The following ZNF519 variants were observed in gnomAD, a reference collection of about 807,000 sequenced individuals.
The protein encoded by ZNF519 is zinc finger protein 519, also known as similar to Zinc finger protein 85 (Zinc finger protein HPF4) (HTF1).
Under a neutral mutation model 7.4 loss-of-function variants are expected in ZNF519, and 7 were observed. The ratio of observed to expected loss-of-function variants is 0.94; its 90% CI spans 0.54 to 1.77. The LOEUF is 1.77. ZNF519 is among the 40% of genes most tolerant of loss of function. ZNF519 has a pLI of 0.00. For missense variants in ZNF519, 586 were observed against 623.1 expected (o/e 0.94, Z 0.63); for synonymous variants, 179 against 203.3 (o/e 0.88, Z 1.02).
At chr18:14,111,989 G>A (rs1275040420) in intron 2 of ZNF519, among the ~76,000 whole-genome samples, 2 of 151,946 alleles carry the variant, frequency 1.3e-5, no homozygotes, top group Non-Finnish European at 2.9e-5. Flanking sequence ...GCCAATATCA[G>A]CAATAGATGC....
chr18:14,121,575 A>C (rs1245729169), intron 2 of ZNF519, among the ~76,000 whole-genome samples: 2 of 152,148 alleles, frequency 1.3e-5, no homozygotes, highest in Non-Finnish European at 2.9e-5. Flanking sequence ...GCTTTTTTTT[A>C]AATGAAACAA....
chr18:14,109,094 C>T (rs28817633), intron 2 of ZNF519, among the ~76,000 whole-genome samples: 41,582 of 149,022 alleles, frequency 0.28, 6,527 homozygotes, highest in East Asian at 0.74. Context: ...GCAACAAGAG[C>T]GAAACTCAGA....
chr18:14,094,821 C>CTGT (rs780524328), intron 2 of ZNF519, among the ~76,000 whole-genome samples: 19 of 151,650 alleles, frequency 1.3e-4, no homozygotes, highest in Non-Finnish European at 1.3e-4. Flanking sequence ...TTGATTGATT[C>CTGT]TGTTGTTGAT....
At position 14,104,775 on chromosome 18, in the gene ZNF519, C is replaced by T; in HGVS notation, c.*142G>A. On this transcript the variant is annotated 3_prime_UTR_variant, in exon 3 of 3. Coordinates refer to ENST00000590202, the MANE Select transcript of ZNF519 (RefSeq NM_145287.4). ...CTTAGTTCTTTCTAAAGTGACACTT[C>T]TAATTTTTATTTAATCTTCATTTTG... 4 of 963,548 alleles carry T rather than the reference C, an allele frequency of 4.2e-6. No homozygotes were observed. Among genetic ancestry groups the T allele is most frequent in the African/African-American group, 1.6e-5 (1 of 60,828 alleles). 59.7% of individuals were successfully genotyped at this position (963,548 alleles called of 1,614,324 possible). A position where few individuals can be genotyped will look rare whatever the true frequency, so the allele number is the denominator to read the frequency against.
chr18:14,082,678 C>T (rs532014843), intron 3 of ZNF519: 1 of 150,444 alleles, frequency 6.6e-6, no homozygotes, highest in African/African-American at 2.5e-5. Flanking sequence ...TGGCTTTGAC[C>T]TCTTTTTTTT....
downstream of ZNF519, among the ~76,000 whole-genome samples, chr18:14,099,152 C>A (rs1202567133): frequency 6.6e-6 from 1 of 151,880 alleles, no homozygotes; most frequent in Non-Finnish European, 1.5e-5. Flanking sequence ...CTCTACTTCC[C>A]ACCAACCTAG....
chr18:14,118,045 C>T (rs536272555), intron 2 of ZNF519, among the ~76,000 whole-genome samples: 2 of 152,162 alleles, frequency 1.3e-5, no homozygotes, highest in East Asian at 3.9e-4. Context: ...TAAAGATGTG[C>T]CTTATATATA....
rs2046168541 is a variant in ZNF519 at position 14,102,820 on chromosome 18, G to A, written c.*2097C>T. The A allele has an allele frequency of 6.6e-6, 1 of 151,788 alleles. No homozygotes were observed. The highest frequency in any genetic ancestry group is 1.5e-5 in the Non-Finnish European group (1 of 67,950). 9.4% of individuals were successfully genotyped at this position (151,788 alleles called of 1,614,324 possible). A position where few individuals can be genotyped will look rare whatever the true frequency, so the allele number is the denominator to read the frequency against. On this transcript the variant is annotated 3_prime_UTR_variant, in exon 3 of 3. Coordinates refer to ENST00000590202, the MANE Select transcript of ZNF519 (RefSeq NM_145287.4). The stretch of plus-strand genomic sequence containing the variant: ...ATTCAATCCAAATTGGGGGAAAAAA[G>A]CTATATAGTGGTAATATTTTATATC...
chr18:14,109,003 A>G (rs1295205261), intron 2 of ZNF519, among the ~76,000 whole-genome samples: 1 of 152,114 alleles, frequency 6.6e-6, no homozygotes, highest in African/African-American at 2.4e-5. Flanking sequence ...GCTACTCAGG[A>G]GGCTGAGACA....
chr18:14,120,134 T>A (rs1194216816), intron 2 of ZNF519, among the ~76,000 whole-genome samples: 1 of 152,168 alleles, frequency 6.6e-6, no homozygotes, highest in Non-Finnish European at 1.5e-5. Flanking sequence ...CATCATACTT[T>A]CTAATTTCAA....
rs780493526 is a variant in ZNF519, at chr18:14,106,057, A to G, written c.483T>C (p.Asn161=). The change falls in exon 3 of 3, where the codon AAT becomes AAC. Residue 161 remains asparagine, a synonymous_variant. Transcript: ENST00000590202. ...TACTAATATTTGAGTCATGGTTAAA[A>G]TTTATCTGATTTTTATTACAAAAGA... ...KSVFCNKNQI[N]FNHDSNISKH... The G allele has an allele frequency of 1.4e-5, 22 of 1,593,708 alleles. No individual in the cohort carries two copies. The highest frequency in any genetic ancestry group is 2.7e-5 in the African/African-American group (2 of 73,652).
At chr18:14,095,391 C>T (rs180758783), downstream of ZNF519, among the ~76,000 whole-genome samples, 38 of 152,306 alleles carry the variant, frequency 2.5e-4, no homozygotes, top group Admixed American at 1.4e-3. Flanking sequence ...ACCTCTTTAT[C>T]CACTCAGTGC....
intron 1 of ZNF519, among the ~76,000 whole-genome samples, chr18:14,128,708 C>CACAT (rs1567956926): frequency 6.7e-6 from 1 of 149,846 alleles, no homozygotes; most frequent in South Asian, 2.1e-4. Context: ...CACACACACA[C>CACAT]ACACACACAC....
Position 14,132,412 on chromosome 18 carries a change from C to T in ZNF519, c.-135G>A. On this transcript the variant is annotated 5_prime_UTR_variant, in exon 1 of 3. Coordinates refer to ENST00000590202, the MANE Select transcript of ZNF519 (RefSeq NM_145287.4). ...GACACAAGGCAATGAAGCCCTAACCCCGCGCTCTGGCTGAAGTGAGACAAA... is the reference window on the plus strand; with the variant it reads ...GACACAAGGCAATGAAGCCCTAACCTCGCGCTCTGGCTGAAGTGAGACAAA... 3 of 1,112,482 alleles carry T rather than the reference C, an allele frequency of 2.7e-6. No homozygotes were observed. Among genetic ancestry groups the T allele is most frequent in the Non-Finnish European group, 4.0e-6 (3 of 754,536 alleles). The allele number at this position is 1,112,482 out of a possible 1,614,324, so 68.9% of individuals were successfully genotyped here.
intron 2 of ZNF519, among the ~76,000 whole-genome samples, chr18:14,086,508 A>T (rs561821972): frequency 1.3e-3 from 195 of 152,320 alleles, no homozygotes; most frequent in African/African-American, 4.3e-3. Context: ...CACAGCATGG[A>T]GACTGCTTCA....
rs1201995113 is a variant in ZNF519, at chr18:14,103,874, A to T, written c.*1043T>A. 6.6e-6 allele frequency: 1 copy of T among 152,052 alleles called. No homozygotes were observed. Among genetic ancestry groups the T allele is most frequent in the Non-Finnish European group, 1.5e-5 (1 of 68,006 alleles). 9.4% of individuals were successfully genotyped at this position (152,052 alleles called of 1,614,324 possible). ...AATAAGCAACAGTGTTAACAAATTA[A>T]AAGACATTTCATTTTATTCTTAAAA... On this transcript the variant is annotated 3_prime_UTR_variant, in exon 3 of 3. Coordinates refer to ENST00000590202, the MANE Select transcript of ZNF519 (RefSeq NM_145287.4).
At position 14,128,690 on chromosome 18, in the gene ZNF519, A is replaced by AACACACACACACACACACACAC. The variant is rs71366097; in HGVS notation, c.3+3563_3+3584dup. ...CCTAGATTAAGACAATTCTGAGTCA[A>AACACACACACACACACACACAC]ACACACACACACACACACACACACA... is the stretch of plus-strand genomic sequence containing the variant. On this transcript the variant is annotated intron_variant, in intron 1 of 2. Coordinates refer to ENST00000590202, the MANE Select transcript of ZNF519 (RefSeq NM_145287.4). 2.3e-5 allele frequency among the ~76,000 whole-genome samples: 3 copies of AACACACACACACACACACACAC among 130,556 alleles called. 1 individual carries two copies. Among genetic ancestry groups the AACACACACACACACACACACAC allele is most frequent in the Non-Finnish European group, 3.2e-5 (2 of 62,596 alleles). 85.6% of individuals were successfully genotyped at this position (130,556 alleles called of 152,430 possible). A position where few individuals can be genotyped will look rare whatever the true frequency, so the allele number is the denominator to read the frequency against.
rs181406109 is a variant in ZNF519, at chr18:14,091,918, G to A, written c.131-6842C>T. ...GGGTGTGAGAACCAGCCTGAGGTCA[G>A]AGTGGCTTGAATTCAGTGAACGATG... On this transcript the variant is annotated intron_variant and NMD_transcript_variant, in intron 2 of 4. Coordinates refer to the ZNF519 transcript ENST00000587419. Among the ~76,000 whole-genome samples the A allele has an allele frequency of 1.2e-4, 18 of 152,302 alleles. No homozygotes were observed. In the East Asian group the frequency reaches 3.1e-3, roughly 26 times the overall value.
intron 2 of ZNF519, among the ~76,000 whole-genome samples, chr18:14,107,313 A>T (rs1047681191): frequency 1.3e-5 from 2 of 152,212 alleles, no homozygotes; most frequent in African/African-American, 4.8e-5. Flanking sequence ...CCTAGTTAAA[A>T]TTTCTAGGTA....
Sources: allele counts gnomAD v4.1 joint callset (sites outside exome capture counted in the v4.1 genomes callset), GRCh38; gene constraint gnomAD v4.1.1; transcripts MANE v1.5; gene names NCBI Gene and HGNC (gene_info 2026-07-23, HGNC 2026-07-21).